Variants in ZBTB4 observed in about 807,000 individuals in gnomAD.
The protein encoded by ZBTB4 is zinc finger and BTB domain containing 4.
A neutral mutation model predicts 59.8 loss-of-function variants in ZBTB4; 14 were observed. That is an observed-to-expected ratio of 0.23 (90% CI 0.15 to 0.37). The LOEUF (loss-of-function observed/expected upper bound fraction) is 0.37. ZBTB4 is among the 10% of genes least tolerant of loss of function. ZBTB4 has a pLI of 1.00. For synonymous variants in ZBTB4, 587 were observed against 575.2 expected (o/e 1.02, Z -0.29); for missense variants, 1,198 against 1,380.8 (o/e 0.87, Z 2.10).
In ZBTB4 at chr17:7,478,713, G is replaced by A. The variant is rs906877054; in HGVS notation, c.-81+743C>T. On this transcript the variant is annotated intron_variant, in intron 1 of 3. Coordinates refer to ENST00000380599, the MANE Select transcript of ZBTB4 (RefSeq NM_001128833.2). Reference sequence around the variant, plus strand: ...CCACATCGAACAAACTCTGCACCCAGCATGCTGTGCCCTGCTCAGAATACC... The same window carrying A: ...CCACATCGAACAAACTCTGCACCCAACATGCTGTGCCCTGCTCAGAATACC... Among the ~76,000 whole-genome samples, 3 of 152,164 alleles carry A rather than the reference G, an allele frequency of 2.0e-5. 1 individual carries two copies. The highest frequency in any genetic ancestry group is 2.0e-4 in the Admixed American group (3 of 15,276).
At chr17:7,465,677 T>C in intron 3 of ZBTB4, 34 bp downstream of exon 3, 2 of 1,562,438 alleles carry the variant, frequency 1.3e-6, no homozygotes, top group Non-Finnish European at 1.7e-6. Flanking sequence ...AGTGCCAGCC[T>C]CCAGCCGCTC....
Position 7,463,010 on chromosome 17 carries a change from C to T in ZBTB4, c.1972G>A (p.Gly658Ser), listed in dbSNP as rs745397210. The T allele has an allele frequency of 8.7e-6, 14 of 1,611,064 alleles. No homozygotes were observed. The East Asian group carries it at 2.7e-4, about 31-fold the overall frequency. The change falls in exon 4 of 4, where the codon GGT (glycine) becomes AGT (serine). Residue 658 changes from glycine to serine, a missense_variant. By Grantham distance (56) the Gly-to-Ser change is moderately conservative. Coordinates refer to ENST00000380599, the MANE Select transcript of ZBTB4 (RefSeq NM_001128833.2). The part of the protein sequence containing the change: ...EEEDEEESKA[G>S]GEDQLWRPYY... The stretch of plus-strand genomic sequence containing the variant: ...GGCCTCCAGAGCTGGTCCTCCCCAC[C>T]AGCCTTTGATTCCTCCTCATCCTCC...
At position 7,467,301 on chromosome 17, in the gene ZBTB4, G is replaced by T; in HGVS notation, c.-54C>A. Reference sequence around the variant, plus strand: ...GGAGTGGGGCGGGGGGTGGCTCAGCGAGTCCCTTCTGCTGGGCCTCTTCCT... The same window carrying T: ...GGAGTGGGGCGGGGGGTGGCTCAGCTAGTCCCTTCTGCTGGGCCTCTTCCT... On this transcript the variant is annotated 5_prime_UTR_variant, in exon 2 of 4. Transcript: ENST00000380599. 1.0e-6 allele frequency: 1 copy of T among 961,316 alleles called. No homozygotes were observed. Among genetic ancestry groups the T allele is most frequent in the Non-Finnish European group, 1.2e-6 (1 of 807,130 alleles). 59.5% of individuals were successfully genotyped at this position (961,316 alleles called of 1,614,324 possible).
chr17:7,466,948 GT>G lies in ZBTB4; in HGVS notation c.-9-139del, dbSNP rs2070136858. 1.4e-6 allele frequency: 2 copies of G among 1,409,010 alleles called. No homozygotes were observed. Among genetic ancestry groups the G allele is most frequent in the Middle Eastern group, 2.1e-4 (1 of 4,728 alleles). 87.3% of individuals were successfully genotyped at this position (1,409,010 alleles called of 1,614,324 possible). Reference sequence around the variant, plus strand: ...GGCTGAATCACTTCTGGTCACAGAAGTCAGGGGTTGGCCCTTAGCCACCCAA... The same window carrying G: ...GGCTGAATCACTTCTGGTCACAGAAGCAGGGGTTGGCCCTTAGCCACCCAA... On this transcript the variant is annotated intron_variant, in intron 2 of 3. Coordinates refer to ENST00000380599, the MANE Select transcript of ZBTB4 (RefSeq NM_001128833.2). This position sits in a 1 kb window ranked among gnomAD's most constrained non-coding sequence, Gnocchi z 9.1.
intron 1 of ZBTB4, among the ~76,000 whole-genome samples, chr17:7,469,219 T>C (rs2070166367): frequency 6.6e-6 from 1 of 152,166 alleles, no homozygotes; most frequent in Non-Finnish European, 1.5e-5. Flanking sequence ...CAGACTGGAA[T>C]GCAGTGGTGC....
chr17:7,477,573 G>GCACA (rs1160607721), intron 1 of ZBTB4, among the ~76,000 whole-genome samples: 1 of 152,152 alleles, frequency 6.6e-6, no homozygotes, highest in Non-Finnish European at 1.5e-5. Context: ...GAATGCACTT[G>GCACA]CACACACACC....
At chr17:7,478,059 C>T (rs147564465) in intron 1 of ZBTB4, among the ~76,000 whole-genome samples, 2 of 152,068 alleles carry the variant, frequency 1.3e-5, no homozygotes. Context: ...AGCACACAGA[C>T]GGCAGGCACG....
At chr17:7,473,448 TG>T (rs1467957094) in intron 1 of ZBTB4, among the ~76,000 whole-genome samples, 1 of 151,958 alleles carries the variant, frequency 6.6e-6, no homozygotes, top group East Asian at 1.9e-4. Context: ...TTAGTAGAGA[TG>T]GGGTTTCACC....
intron 1 of ZBTB4, among the ~76,000 whole-genome samples, chr17:7,473,642 G>A (rs2070230271): frequency 6.6e-6 from 1 of 151,652 alleles, no homozygotes; most frequent in African/African-American, 2.4e-5. Context: ...AACCTCCTGG[G>A]CTCAAATGAT....
At chr17:7,483,352 GAC>G (rs1001286903), upstream of ZBTB4, 6 of 342,386 alleles carry the variant, frequency 1.8e-5, no homozygotes, top group South Asian at 1.7e-4. Context: ...TTCCGGCAAA[GAC>G]AGAGCCAGCA....
upstream of ZBTB4, chr17:7,482,716 C>A: frequency 1.9e-6 from 3 of 1,612,030 alleles, no homozygotes; most frequent in Non-Finnish European, 2.5e-6. Flanking sequence ...TGCAGCCCCC[C>A]GTGTTGCCCA....
chr17:7,476,924 G>A (rs2070276379), intron 1 of ZBTB4, among the ~76,000 whole-genome samples: 3 of 152,232 alleles, frequency 2.0e-5, no homozygotes, highest in Admixed American at 1.3e-4. Flanking sequence ...GTAGTTAAGA[G>A]CACAAGATCT....
chr17:7,468,287 C>G (rs1391889977), intron 1 of ZBTB4, among the ~76,000 whole-genome samples: 1 of 152,134 alleles, frequency 6.6e-6, no homozygotes, highest in African/African-American at 2.4e-5. Flanking sequence ...GCAGGAGAAT[C>G]ACTTGAACCT....
intron 1 of ZBTB4, among the ~76,000 whole-genome samples, chr17:7,476,175 C>A (rs112787332): frequency 1.3e-5 from 2 of 152,220 alleles, no homozygotes; most frequent in Admixed American, 1.3e-4. Context: ...CCCTCCTCCC[C>A]CTGAGGGTCA....
At chr17:7,464,633 T>C (rs1018766591) in intron 3 of ZBTB4, among the ~76,000 whole-genome samples, 1 of 146,236 alleles carries the variant, frequency 6.8e-6, no homozygotes, top group Non-Finnish European at 1.5e-5. Flanking sequence ...AGGTCAGGAG[T>C]TCAAGAACAG....
intron 1 of ZBTB4, among the ~76,000 whole-genome samples, chr17:7,471,264 G>C (rs2070194140): frequency 6.6e-6 from 1 of 152,084 alleles, no homozygotes; most frequent in South Asian, 2.1e-4. Flanking sequence ...GCTCACTGCA[G>C]CCTGGACCTC....
intron 1 of ZBTB4, among the ~76,000 whole-genome samples, chr17:7,473,677 T>C (rs2070230754): frequency 6.6e-6 from 1 of 151,786 alleles, no homozygotes; most frequent in Non-Finnish European, 1.5e-5. Flanking sequence ...GCCTTCTGAG[T>C]AGCTGGGACT....
chr17:7,466,819 TG>T lies in ZBTB4; in HGVS notation c.-9-10del. 6.5e-7 allele frequency: 1 copy of T among 1,528,324 alleles called. No individual in the cohort carries two copies. The highest frequency in any genetic ancestry group is 8.8e-7 in the Non-Finnish European group (1 of 1,138,928). The allele number at this position is 1,528,324 out of a possible 1,614,324, so 94.7% of individuals were successfully genotyped here. A position where few individuals can be genotyped will look rare whatever the true frequency, so the allele number is the denominator to read the frequency against. ...GGGGGCATGGTGCCAGCCTAGACAG[TG>T]GGAGAAGAGGCCGGGTAGAGTCTCA... On this transcript the variant is annotated splice_polypyrimidine_tract_variant and intron_variant, in intron 2 of 3. Coordinates refer to ENST00000380599, the MANE Select transcript of ZBTB4 (RefSeq NM_001128833.2). This position sits in a 1 kb window ranked among gnomAD's most constrained non-coding sequence, Gnocchi z 9.1.
Position 7,462,931 on chromosome 17 carries a change from A to C in ZBTB4, c.2051T>G (p.Val684Gly), listed in dbSNP as rs767828341. 5.3e-5 allele frequency: 85 copies of C among 1,609,134 alleles called. No homozygotes were observed. The highest frequency in any genetic ancestry group is 6.8e-5 in the Non-Finnish European group (80 of 1,178,938). ...RKAGAAGGAS[V>G]GGSGLPRGRR... ...GCCTCGGGGCAGCCCACTGCCCCCC[A>C]CACTGGCACCTCCAGCAGCTCCAGC... is the stretch of plus-strand genomic sequence containing the variant. Residue 684 changes from valine (V) to glycine (G), a missense_variant, in exon 4 of 4, where the codon GTG becomes GGG. By Grantham distance (109) the Val-to-Gly change is moderately radical (BLOSUM62 -3). Transcript: ENST00000380599. This position sits in a 1 kb window ranked among gnomAD's most constrained non-coding sequence, Gnocchi z 7.5.
Sources: allele counts gnomAD v4.1 joint callset (sites outside exome capture counted in the v4.1 genomes callset), GRCh38; gene constraint gnomAD v4.1.1; non-coding constraint Gnocchi (gnomAD v3.1); transcripts MANE v1.5; gene names NCBI Gene and HGNC (gene_info 2026-07-23, HGNC 2026-07-21).